Variants in DLGAP4 observed in about 807,000 individuals in gnomAD.
The protein encoded by DLGAP4 is disks large-associated protein 4.
In DLGAP4, 18 loss-of-function variants were observed where a neutral mutation model predicts 86.9. That is an observed-to-expected ratio of 0.21 (90% CI 0.14 to 0.31). DLGAP4 has a LOEUF of 0.31. Among genes scored for constraint, DLGAP4 ranks in the 10% least tolerant of loss-of-function variants. The pLI, the probability that DLGAP4 is intolerant of heterozygous loss-of-function variation, is 1.00. For synonymous variants in DLGAP4, 548 were observed against 574.3 expected, an observed-to-expected ratio of 0.95 and a Z score of 0.65; for missense variants, 1,085 against 1,362.6, an observed-to-expected ratio of 0.80 and a Z score of 3.21.
intron 2 of DLGAP4, among the ~76,000 whole-genome samples, chr20:36,371,692 C>T (rs939176887): frequency 2.0e-5 from 3 of 152,120 alleles, no homozygotes; most frequent in Non-Finnish European, 2.9e-5. Context: ...CTGTTAGAAA[C>T]GGGGCCATGG....
intron 1 of DLGAP4, among the ~76,000 whole-genome samples, chr20:36,347,053 T>G (rs1555893081): frequency 6.6e-6 from 1 of 152,230 alleles, no homozygotes; most frequent in Admixed American, 6.5e-5. Flanking sequence ...CCTGAAGCTT[T>G]GCCTGTGCTA....
chr20:36,383,337 G>C (rs2147449371), intron 2 of DLGAP4, among the ~76,000 whole-genome samples: 1 of 152,322 alleles, frequency 6.6e-6, no homozygotes, highest in East Asian at 1.9e-4. Context: ...TCAGGGATGA[G>C]TGATGGAGTG....
At chr20:36,396,708 C>T (rs1380994288) in intron 2 of DLGAP4, among the ~76,000 whole-genome samples, 1 of 149,868 alleles carries the variant, frequency 6.7e-6, no homozygotes, top group Non-Finnish European at 1.5e-5. Context: ...AACTTTTGAT[C>T]TTCCTCTGGG....
At chr20:36,382,104 A>G (rs964389542) in intron 2 of DLGAP4, among the ~76,000 whole-genome samples, 1 of 152,198 alleles carries the variant, frequency 6.6e-6, no homozygotes. Flanking sequence ...GATGATTGCA[A>G]TTATGGGAGA....
At chr20:36,467,934 A>G (rs141455319) in intron 7 of DLGAP4, among the ~76,000 whole-genome samples, 51 of 152,362 alleles carry the variant, frequency 3.3e-4, no homozygotes, top group African/African-American at 1.2e-3. Flanking sequence ...CCCAAGGCCA[A>G]CTGTCTCCAA....
chr20:36,349,893 G>T (rs1360254812), intron 1 of DLGAP4, among the ~76,000 whole-genome samples: 2 of 152,134 alleles, frequency 1.3e-5, no homozygotes, highest in Non-Finnish European at 2.9e-5. Context: ...AAGCAGCATC[G>T]CCGCGTCCCA....
intron 7 of DLGAP4, among the ~76,000 whole-genome samples, chr20:36,491,051 A>G (rs2035641007): frequency 6.9e-6 from 1 of 145,542 alleles, no homozygotes; most frequent in African/African-American, 2.6e-5. Flanking sequence ...AAAAAAAAAA[A>G]TACAAAAATT....
intron 1 of DLGAP4, among the ~76,000 whole-genome samples, chr20:36,312,748 C>T (rs1424190819): frequency 6.6e-6 from 1 of 152,122 alleles, no homozygotes; most frequent in Non-Finnish European, 1.5e-5. Flanking sequence ...ACCCCGGGTG[C>T]TGGGCTAGGA....
At chr20:36,488,282 G>A (rs771840891) in intron 7 of DLGAP4, among the ~76,000 whole-genome samples, 2 of 151,656 alleles carry the variant, frequency 1.3e-5, no homozygotes, top group African/African-American at 2.4e-5. Context: ...GTTTCAGGCC[G>A]CGGCCTCAGC....
intron 1 of DLGAP4, among the ~76,000 whole-genome samples, chr20:36,339,690 G>C (rs564462356): frequency 6.6e-6 from 1 of 152,360 alleles, no homozygotes; most frequent in African/African-American, 2.4e-5. Flanking sequence ...CTGAGTAAGG[G>C]AGTTAGAGGA....
chr20:36,382,194 C>G (rs2425234), intron 2 of DLGAP4, among the ~76,000 whole-genome samples: 99,170 of 152,050 alleles, frequency 0.65, 32,478 homozygotes, highest in South Asian at 0.82. Flanking sequence ...ACATTTGAGA[C>G]ATTTCTTGGC....
intron 7 of DLGAP4, chr20:36,461,762 C>CGCCT: frequency 1.1e-6 from 1 of 924,044 alleles, no homozygotes; most frequent in Non-Finnish European, 1.3e-6. Flanking sequence ...CCCGCCCGCC[C>CGCCT]GCCCGCCCGC....
intron 7 of DLGAP4, among the ~76,000 whole-genome samples, chr20:36,496,070 C>T (rs1015663587): frequency 1.3e-5 from 2 of 152,090 alleles, no homozygotes; most frequent in African/African-American, 4.8e-5. Context: ...TGAGGTTTCT[C>T]CATGTTGGTC....
intron 7 of DLGAP4, among the ~76,000 whole-genome samples, chr20:36,460,541 A>G (rs2033997426): frequency 6.6e-6 from 1 of 152,210 alleles, no homozygotes; most frequent in African/African-American, 2.4e-5. Flanking sequence ...CATTTTTTGG[A>G]AAACAGATGC....
At chr20:36,375,506 A>G (rs1195576443) in intron 2 of DLGAP4, among the ~76,000 whole-genome samples, 1 of 152,202 alleles carries the variant, frequency 6.6e-6, no homozygotes, top group Non-Finnish European at 1.5e-5. Flanking sequence ...ACCTGGAGCT[A>G]CAAGGACGAA....
intron 1 of DLGAP4, among the ~76,000 whole-genome samples, chr20:36,318,104 T>TCA (rs1341409069): frequency 3.4e-4 from 36 of 106,578 alleles, no homozygotes; most frequent in African/African-American, 1.5e-3. Context: ...AAATGTGTCC[T>TCA]CTCACACACA....
intron 7 of DLGAP4, among the ~76,000 whole-genome samples, chr20:36,476,575 C>T (rs950315647): frequency 3.3e-5 from 5 of 151,592 alleles, no homozygotes; most frequent in African/African-American, 4.8e-5. Flanking sequence ...GTGATCCACC[C>T]GCCTCAGCCT....
chr20:36,435,635 G>A (rs142977513), intron 3 of DLGAP4, among the ~76,000 whole-genome samples: 15 of 152,266 alleles, frequency 9.9e-5, no homozygotes, highest in East Asian at 5.8e-4. Context: ...CTGGGATCCC[G>A]TCCCCCCTCA....
At chr20:36,499,364 C>A in intron 8 of DLGAP4, 2 of 1,588,222 alleles carry the variant, frequency 1.3e-6, no homozygotes, top group East Asian at 2.3e-5. Flanking sequence ...ACCTCCCGCC[C>A]ACCTGCCCGC....
Sources: gnomAD v4.1 joint callset for allele counts (sites outside exome capture counted in the v4.1 genomes callset) on GRCh38, gnomAD v4.1.1 for gene constraint, MANE v1.5 for transcripts, NCBI Gene and HGNC (gene_info 2026-07-23, HGNC 2026-07-21) for gene names.